JPH3: variants seen among roughly 807,000 people sequenced by gnomAD.
JPH3 encodes junctophilin 3, also known as junctophilin-3.
In JPH3, 11 loss-of-function variants were observed where a neutral mutation model predicts 59.6. The observed-to-expected ratio is 0.18, with a 90% confidence interval of 0.12 to 0.31. The LOEUF is 0.31. JPH3 is among the 10% of genes least tolerant of loss of function. The pLI is 1.00. For missense variants in JPH3, 1,202 were observed against 1,105.7 expected (o/e 1.09, Z -1.24); for synonymous variants, 673 against 483.6 (o/e 1.39, Z -5.14).
At chr16:87,617,017 G>T (rs1436310376) in intron 1 of JPH3, among the ~76,000 whole-genome samples, 1 of 152,180 alleles carries the variant, frequency 6.6e-6, no homozygotes, top group African/African-American at 2.4e-5. Context: ...CTGAGGTCAG[G>T]AGTTCGAGAC....
intron 1 of JPH3, chr16:87,605,016 G>A (rs1333323585): frequency 4.5e-6 from 2 of 441,530 alleles, no homozygotes. Context: ...GGCACAGGGA[G>A]GCCCGGGCAG....
chr16:87,695,001 T>C (rs188718160), intron 4 of JPH3: 9 of 304,966 alleles, frequency 3.0e-5, no homozygotes, highest in South Asian at 2.4e-4. Context: ...TGAATCCTGC[T>C]GCCGGGAGTG....
intron 1 of JPH3, among the ~76,000 whole-genome samples, chr16:87,633,792 C>A (rs1235255692): frequency 6.6e-6 from 1 of 151,632 alleles, no homozygotes; most frequent in African/African-American, 2.4e-5. Context: ...AATGAGACTC[C>A]ATTGCGAAAA....
intron 1 of JPH3, among the ~76,000 whole-genome samples, chr16:87,624,304 C>T (rs965408434): frequency 2.0e-5 from 3 of 152,208 alleles, no homozygotes. Context: ...CTCTAGCTAG[C>T]TACCCCTTCC....
Position 87,603,535 on chromosome 16 carries a change from G to T in JPH3, c.382+7G>T. The T allele has an allele frequency of 6.5e-7, 1 of 1,546,286 alleles. No individual in the cohort carries two copies. Among genetic ancestry groups the T allele is most frequent in the Non-Finnish European group, 8.7e-7 (1 of 1,145,738 alleles). On this transcript the variant is annotated splice_region_variant and intron_variant, in intron 1 of 4. Coordinates refer to ENST00000284262, the MANE Select transcript of JPH3 (RefSeq NM_020655.4). Reference sequence around the variant, plus strand: ...GAGACCTACTCGGACGGAGGTAGGTGCCGCGGGCCGGGCCGGGCCGGGGCG... The same window carrying T: ...GAGACCTACTCGGACGGAGGTAGGTTCCGCGGGCCGGGCCGGGCCGGGGCG...
At chr16:87,657,211 C>A (rs1225602076) in intron 2 of JPH3, among the ~76,000 whole-genome samples, 2 of 152,236 alleles carry the variant, frequency 1.3e-5, no homozygotes, top group South Asian at 2.1e-4. Flanking sequence ...AAGGAGGAGG[C>A]CAAACTGACC....
chr16:87,682,442 T>C (rs181419344), intron 2 of JPH3, among the ~76,000 whole-genome samples: 96 of 152,196 alleles, frequency 6.3e-4, no homozygotes, highest in African/African-American at 1.8e-3. Context: ...GTGGGGCCTT[T>C]GGGAGGTGAT....
intron 2 of JPH3, among the ~76,000 whole-genome samples, chr16:87,657,106 C>T (rs187124159): frequency 6.6e-6 from 1 of 152,156 alleles, no homozygotes; most frequent in African/African-American, 2.4e-5. Context: ...GGGGACTCAG[C>T]CTGGAGCACC....
chr16:87,661,359 C>T (rs2032696949), intron 2 of JPH3, among the ~76,000 whole-genome samples: 1 of 152,250 alleles, frequency 6.6e-6, no homozygotes, highest in Non-Finnish European at 1.5e-5. Context: ...CAGACGGGTT[C>T]TGGGGATCAA....
chr16:87,648,359 C>G (rs548001710), intron 2 of JPH3, among the ~76,000 whole-genome samples: 10 of 152,324 alleles, frequency 6.6e-5, no homozygotes, highest in African/African-American at 2.2e-4. Context: ...AGCATGAGAG[C>G]GGCCGCACCA....
At chr16:87,628,955 A>T (rs1440748081) in intron 1 of JPH3, among the ~76,000 whole-genome samples, 2 of 152,134 alleles carry the variant, frequency 1.3e-5, no homozygotes, top group Non-Finnish European at 2.9e-5. Context: ...TGGGTCCACA[A>T]ATCAGCCAGA....
chr16:87,695,652 C>T (rs1285822619), intron 4 of JPH3: 1 of 456,076 alleles, frequency 2.2e-6, no homozygotes, highest in Non-Finnish European at 4.4e-6. Context: ...ATTCCCTGTG[C>T]AGCAGGTACT....
chr16:87,604,287 C>CCTG lies in JPH3; in HGVS notation c.382+799_382+801dup, dbSNP rs71156237. On this transcript the variant is annotated intron_variant, in intron 1 of 4. Transcript: ENST00000284262. The stretch of plus-strand genomic sequence containing the variant: ...GCCGGGGCCGGAAGCCAGGGAGCTG[C>CCTG]CTGCTGCTGCTGCTGCTGCTGCTGC... 107,321 of 1,357,458 alleles carry CCTG rather than the reference C, an allele frequency of 0.079. 1,783 individuals are homozygous for CCTG. Among genetic ancestry groups the CCTG allele is most frequent in the East Asian group, 0.2 (5,649 of 28,674 alleles). 84.1% of individuals were successfully genotyped at this position (1,357,458 alleles called of 1,614,324 possible). A position where few individuals can be genotyped will look rare whatever the true frequency, so the allele number is the denominator to read the frequency against.
At chr16:87,644,183 TCAACCCTGTCCGTGG>T (rs1263980910) in intron 1 of JPH3, 60 bp from the exon 2 acceptor site, 4 of 1,457,702 alleles carry the variant, frequency 2.7e-6, no homozygotes, top group Non-Finnish European at 1.9e-6. Flanking sequence ...TGTGGCTGCT[TCAACCCTGTCCGTGG>T]CCAGGCTGTG....
At chr16:87,616,651 G>A (rs1185682859) in intron 1 of JPH3, among the ~76,000 whole-genome samples, 1 of 152,106 alleles carries the variant, frequency 6.6e-6, no homozygotes, top group Non-Finnish European at 1.5e-5. Context: ...CCCTCATGTG[G>A]TCTCTCCCGA....
intron 2 of JPH3, among the ~76,000 whole-genome samples, chr16:87,650,012 G>A (rs1228805915): frequency 6.6e-6 from 1 of 152,220 alleles, no homozygotes; most frequent in Admixed American, 6.5e-5. Context: ...AAGCTGAGAG[G>A]AGGAGAAGGG....
At chr16:87,632,329 T>C (rs948796262) in intron 1 of JPH3, among the ~76,000 whole-genome samples, 3 of 152,244 alleles carry the variant, frequency 2.0e-5, no homozygotes, top group Non-Finnish European at 4.4e-5. Flanking sequence ...CCTGGTGGGC[T>C]TGTCTGATTG....
chr16:87,667,710 G>A (rs952632149), intron 2 of JPH3, among the ~76,000 whole-genome samples: 14 of 152,218 alleles, frequency 9.2e-5, no homozygotes, highest in Non-Finnish European at 5.9e-5. Flanking sequence ...GCTTCCCCTG[G>A]TGTAGGATCA....
chr16:87,639,642 G>GCTTGTCCTCCCT (rs2031876710), intron 1 of JPH3, among the ~76,000 whole-genome samples: 1 of 95,476 alleles, frequency 1.0e-5, no homozygotes, highest in African/African-American at 3.3e-5. Flanking sequence ...CTGGCCTCCC[G>GCTTGTCCTCCCT]CCTGTCCTCC....
Sources: allele counts gnomAD v4.1 joint callset (sites outside exome capture counted in the v4.1 genomes callset), GRCh38; gene constraint gnomAD v4.1.1; transcripts MANE v1.5; gene names NCBI Gene and HGNC (gene_info 2026-07-23, HGNC 2026-07-21).